Variants in UNC13B observed in about 807,000 individuals in gnomAD.
UNC13B encodes the protein unc-13 homolog B.
UNC13B carries 144 observed loss-of-function variants against 211.0 expected under a neutral mutation model. The observed-to-expected ratio is 0.68, with a 90% confidence interval of 0.60 to 0.78. UNC13B has a LOEUF of 0.78. Ranked by LOEUF, UNC13B falls within the 30% of genes least tolerant of loss-of-function variation. The pLI is 0.00. For synonymous variants in UNC13B, 709 were observed against 725.8 expected, an observed-to-expected ratio of 0.98 and a Z score of 0.37; for missense variants, 1,777 against 2,002.0, an observed-to-expected ratio of 0.89 and a Z score of 2.14.
At chr9:35,238,901 GT>G (rs1298297095) in intron 5 of UNC13B, among the ~76,000 whole-genome samples, 1 of 136,866 alleles carries the variant, frequency 7.3e-6, no homozygotes, top group African/African-American at 2.7e-5. Context: ...TGACAGGTGG[GT>G]TTTTTCATTT....
At chr9:35,325,271 G>C (rs766211990) in intron 11 of UNC13B, among the ~76,000 whole-genome samples, 1 of 152,130 alleles carries the variant, frequency 6.6e-6, no homozygotes, top group Non-Finnish European at 1.5e-5. Context: ...GAATGAGGGG[G>C]GTTTTCTTGC....
intron 11 of UNC13B, chr9:35,353,153 G>C: frequency 2.4e-6 from 3 of 1,232,138 alleles, no homozygotes; most frequent in Non-Finnish European, 3.0e-6. Context: ...GGTTCATATT[G>C]ACCTGAATGA....
intron 14 of UNC13B, 112 bp from the exon 15 acceptor site, chr9:35,375,916 G>A: frequency 1.9e-6 from 2 of 1,035,230 alleles, no homozygotes; most frequent in Non-Finnish European, 2.9e-6. Flanking sequence ...GGAGGTGGAG[G>A]TTGCAATGAG....
At chr9:35,319,470 C>A (rs1830631250) in intron 11 of UNC13B, among the ~76,000 whole-genome samples, 2 of 133,534 alleles carry the variant, frequency 1.5e-5, no homozygotes, top group African/African-American at 2.9e-5. Flanking sequence ...AGGTTTGTTA[C>A]ATAGGTATTT....
chr9:35,390,613 T>G lies in UNC13B; in HGVS notation c.11223-16T>G. 1 of 1,613,666 alleles carries G rather than the reference T, an allele frequency of 6.2e-7. No individual in the cohort carries two copies. Among genetic ancestry groups the G allele is most frequent in the Non-Finnish European group, 8.5e-7 (1 of 1,179,806 alleles). ...TCTTGCCTTATTCTCTGACTGTGGT[T>G]TCTTCTGTCATCCAGGTTTCCTCAG... is the stretch of plus-strand genomic sequence containing the variant. On this transcript the variant is annotated splice_polypyrimidine_tract_variant and intron_variant, in intron 25 of 39. Coordinates refer to ENST00000635942, the MANE Select transcript of UNC13B (RefSeq NM_001371189.2).
At chr9:35,380,031 AC>A (rs1366088454) in intron 17 of UNC13B, among the ~76,000 whole-genome samples, 3 of 152,160 alleles carry the variant, frequency 2.0e-5, no homozygotes, top group Non-Finnish European at 2.9e-5. Context: ...AGAAAGCCAA[AC>A]AGTTATAACC....
At chr9:35,237,953 C>A in intron 5 of UNC13B, 127 bp downstream of exon 5, 1 of 994,474 alleles carries the variant, frequency 1.0e-6, no homozygotes, top group Non-Finnish European at 1.4e-6. Context: ...TCTTCATTCA[C>A]TCTCTTTCTC....
chr9:35,299,187 G>A (rs1829550231), intron 8 of UNC13B, among the ~76,000 whole-genome samples: 1 of 152,072 alleles, frequency 6.6e-6, no homozygotes, highest in African/African-American at 2.4e-5. Flanking sequence ...AGCTGAGAAT[G>A]TGCCATTGCA....
chr9:35,321,003 A>G (rs538158801), intron 11 of UNC13B, among the ~76,000 whole-genome samples: 13 of 152,306 alleles, frequency 8.5e-5, no homozygotes, highest in African/African-American at 3.1e-4. Context: ...AATATTAACT[A>G]TTAACATTAG....
intron 1 of UNC13B, among the ~76,000 whole-genome samples, chr9:35,221,072 T>C (rs11792838): frequency 0.19 from 28,210 of 152,040 alleles, 2,949 homozygotes; most frequent in Non-Finnish European, 0.24. Flanking sequence ...AAATTTTTAT[T>C]TATTTATTTA....
chr9:35,376,714 C>T (rs747055347), intron 15 of UNC13B, among the ~76,000 whole-genome samples: 3 of 152,072 alleles, frequency 2.0e-5, no homozygotes, highest in Non-Finnish European at 4.4e-5. Flanking sequence ...GACAATAGTG[C>T]CAGAAATAGA....
At position 35,300,451 on chromosome 9, in the gene UNC13B, G is replaced by A. The variant is rs1281361152; in HGVS notation, c.1047G>A (p.Arg349=). The change falls in exon 9 of 40, where the codon AGG becomes AGA. Residue 349 remains arginine, a synonymous_variant. Coordinates refer to ENST00000635942, the MANE Select transcript of UNC13B (RefSeq NM_001371189.2). ...ATTATGATCTGTCCAGTTGTTTAAG[G>A]CACTGTGAAAAGTCATCTGGCTCAA... ...SHDYDLSSCL[R]HCEKSSGSNQ... is the part of the protein sequence containing the mutation. 1.0e-5 allele frequency: 4 copies of A among 398,866 alleles called. No individual in the cohort carries two copies. In the Admixed American group the frequency reaches 1.8e-4, roughly 18 times the overall value. 24.7% of individuals were successfully genotyped at this position (398,866 alleles called of 1,614,324 possible). A position where few individuals can be genotyped will look rare whatever the true frequency, so the allele number is the denominator to read the frequency against.
chr9:35,171,651 C>G (rs1454704125), intron 1 of UNC13B, among the ~76,000 whole-genome samples: 1 of 152,166 alleles, frequency 6.6e-6, no homozygotes, highest in Non-Finnish European at 1.5e-5. Flanking sequence ...CAGTCCTTCT[C>G]TCTGGGACTC....
chr9:35,280,123 A>G (rs1828401212), intron 7 of UNC13B, among the ~76,000 whole-genome samples: 1 of 152,136 alleles, frequency 6.6e-6, no homozygotes, highest in South Asian at 2.1e-4. Flanking sequence ...CAATAATAAT[A>G]TTGTGGAAGT....
At position 35,382,431 on chromosome 9, in the gene UNC13B, T is replaced by G. The variant is rs1158277351; in HGVS notation, c.10730T>G (p.Ile3577Ser). 6.2e-7 allele frequency: 1 copy of G among 1,614,056 alleles called. No homozygotes were observed. Among genetic ancestry groups the G allele is most frequent in the Non-Finnish European group, 8.5e-7 (1 of 1,180,054 alleles). ...GTGATGAGCACCTTACTGGCCAACA[T>G]CAACGCCTACTATGCCCACACAACT... is the stretch of plus-strand genomic sequence containing the variant. ...PAVMSTLLAN[I>S]NAYYAHTTAS... The change falls in exon 21 of 40, where the codon ATC (isoleucine) becomes AGC (serine). Residue 3577 changes from isoleucine to serine, a missense_variant. Ile to Ser is a moderately radical substitution (Grantham distance 142, BLOSUM62 -2). Coordinates refer to ENST00000635942, the MANE Select transcript of UNC13B (RefSeq NM_001371189.2).
intron 6 of UNC13B, among the ~76,000 whole-genome samples, chr9:35,250,380 A>G (rs1826390707): frequency 6.6e-6 from 1 of 152,142 alleles, no homozygotes; most frequent in South Asian, 2.1e-4. Flanking sequence ...TTCTGTCTCT[A>G]TGGACCTATT....
chr9:35,396,896 G>C lies in UNC13B; in HGVS notation c.11491G>C (p.Glu3831Gln). Residue 3831 changes from glutamate to glutamine, a missense_variant, in exon 28 of 40, where the codon GAA becomes CAA. Coordinates refer to ENST00000635942, the MANE Select transcript of UNC13B (RefSeq NM_001371189.2). The stretch of plus-strand genomic sequence containing the variant: ...GGATGAGAATGAGGATGTATCCCTG[G>C]AATTCCTGCGTGGGGCCCTGGAACG... ...WLDENEDVSL[E>Q]FLRGALERDK... 6.2e-7 allele frequency: 1 copy of C among 1,614,174 alleles called. No individual in the cohort carries two copies. Among genetic ancestry groups the C allele is most frequent in the Non-Finnish European group, 8.5e-7 (1 of 1,180,030 alleles).
At chr9:35,331,769 T>G (rs1450645870) in intron 11 of UNC13B, among the ~76,000 whole-genome samples, 3 of 152,196 alleles carry the variant, frequency 2.0e-5, no homozygotes, top group Non-Finnish European at 4.4e-5. Context: ...CTTTTTTCGT[T>G]TCCTATTTTC....
rs921047210 is a variant in UNC13B at position 35,301,674 on chromosome 9, G to A, written c.2270G>A (p.Cys757Tyr). The A allele has an allele frequency of 8.8e-5, 35 of 398,736 alleles. No homozygotes were observed. Among genetic ancestry groups the A allele is most frequent in the African/African-American group, 6.6e-4 (32 of 48,618 alleles). The allele number at this position is 398,736 out of a possible 1,614,324, so 24.7% of individuals were successfully genotyped here. The change falls in exon 9 of 40, where the codon TGT becomes TAT. Residue 757 changes from cysteine (C) to tyrosine (Y), a missense_variant. Coordinates refer to ENST00000635942, the MANE Select transcript of UNC13B (RefSeq NM_001371189.2). ...NDESLLEEKL[C>Y]IDLSLLPDQQ... is the part of the protein sequence containing the mutation. Reference sequence around the variant, plus strand: ...GAGAGTCTATTGGAAGAAAAACTCTGTATAGATCTGTCTCTTTTACCAGAT... The same window carrying A: ...GAGAGTCTATTGGAAGAAAAACTCTATATAGATCTGTCTCTTTTACCAGAT...
Sources: gnomAD v4.1 joint callset for allele counts (sites outside exome capture counted in the v4.1 genomes callset) on GRCh38, gnomAD v4.1.1 for gene constraint, MANE v1.5 for transcripts, NCBI Gene and HGNC (gene_info 2026-07-23, HGNC 2026-07-21) for gene names.